The following PCDHGA7 variants were observed in gnomAD, a reference collection of about 807,000 sequenced individuals.
The protein encoded by PCDHGA7 is protocadherin gamma subfamily A, 7, also known as protocadherin gamma-A7.
In PCDHGA7, 44 loss-of-function variants were observed where a neutral mutation model predicts 58.3. The ratio of observed to expected loss-of-function variants is 0.75; its 90% CI spans 0.59 to 0.97. The LOEUF (loss-of-function observed/expected upper bound fraction) is 0.97, where lower values mean the gene tolerates loss of function less well. Among genes scored for constraint, PCDHGA7 ranks in the 50% least tolerant of loss-of-function variants. The pLI, the probability that PCDHGA7 is intolerant of heterozygous loss-of-function variation, is 0.00. For synonymous variants in PCDHGA7, 516 were observed against 504.2 expected (o/e 1.02, Z -0.31); for missense variants, 1,266 against 1,188.7 (o/e 1.06, Z -0.96).
intron 1 of PCDHGA7, chr5:141,389,575 C>T: frequency 1.2e-6 from 2 of 1,613,242 alleles, no homozygotes; most frequent in African/African-American, 1.3e-5. Context: ...CTGTACCCCG[C>T]GCTGGGTCCC....
intron 1 of PCDHGA7, chr5:141,394,892 C>T (rs267600457): frequency 4.5e-4 from 723 of 1,613,752 alleles, no homozygotes; most frequent in Non-Finnish European, 5.8e-4. Context: ...CACTCTATCT[C>T]GTGGTGGCAG....
At chr5:141,399,402 G>T (rs2093800599) in intron 1 of PCDHGA7, 2 of 1,613,898 alleles carry the variant, frequency 1.2e-6, no homozygotes, top group Non-Finnish European at 1.7e-6. Context: ...ACAGGGGCAA[G>T]CCGCCCCTCT....
intron 1 of PCDHGA7, chr5:141,389,006 C>T (rs1238735616): frequency 1.2e-6 from 2 of 1,613,868 alleles, no homozygotes. Flanking sequence ...ACAAGGATTC[C>T]AGACACAATG....
At chr5:141,454,249 C>T (rs1215688507) in intron 1 of PCDHGA7, among the ~76,000 whole-genome samples, 3 of 152,192 alleles carry the variant, frequency 2.0e-5, no homozygotes, top group Non-Finnish European at 4.4e-5. Context: ...ATGAAGATGT[C>T]CCAGAGAAAG....
At chr5:141,400,116 C>T in intron 1 of PCDHGA7, 2 of 1,614,086 alleles carry the variant, frequency 1.2e-6, no homozygotes, top group Non-Finnish European at 1.7e-6. Context: ...TTGCTGACAG[C>T]TTGCAGGAGG....
At chr5:141,461,011 A>G (rs971172615) in intron 1 of PCDHGA7, among the ~76,000 whole-genome samples, 2 of 151,288 alleles carry the variant, frequency 1.3e-5, no homozygotes, top group Non-Finnish European at 2.9e-5. Context: ...ATATATATAT[A>G]CCACATTTTC....
chr5:141,421,860 C>T (rs759779291), intron 1 of PCDHGA7: 1 of 1,613,750 alleles, frequency 6.2e-7, no homozygotes. Flanking sequence ...CTCACCTGCT[C>T]CTCCTCACAG....
At position 141,384,652 on chromosome 5, in the gene PCDHGA7, G is replaced by A. The variant is rs372721131; in HGVS notation, c.1753G>A (p.Gly585Ser). ...MELAPRSAEP[G>S]YLVTKVVAVD... ...GCTGGCACCCCGCTCCGCAGAGCCC[G>A]GCTACCTGGTGACCAAGGTGGTGGC... Residue 585 changes from glycine to serine, a missense_variant, in exon 1 of 4, where the codon GGC becomes AGC. By Grantham distance (56) the Gly-to-Ser change is moderately conservative. Coordinates refer to ENST00000518325, the MANE Select transcript of PCDHGA7 (RefSeq NM_018920.4). The A allele has an allele frequency of 7.4e-6, 12 of 1,614,110 alleles. No homozygotes were observed. The South Asian group carries it at 1.1e-4, about 15-fold the overall frequency.
chr5:141,435,296 T>A (rs545583818), intron 1 of PCDHGA7, among the ~76,000 whole-genome samples: 44 of 152,328 alleles, frequency 2.9e-4, no homozygotes, highest in African/African-American at 9.9e-4. Context: ...AGTCATTTCA[T>A]GGTTTTAAAT....
At position 141,486,785 on chromosome 5, in the gene PCDHGA7, C is replaced by T. The variant is rs763174232; in HGVS notation, c.2425-8022C>T. 1.2e-5 allele frequency: 20 copies of T among 1,614,102 alleles called. No homozygotes were observed. The highest frequency in any genetic ancestry group is 5.3e-5 in the African/African-American group (4 of 74,936). On this transcript the variant is annotated intron_variant, in intron 1 of 3. Transcript: ENST00000518325. This position sits in a 1 kb window ranked among gnomAD's most constrained non-coding sequence, Gnocchi z 5.0. ...GACACTGCAGTTTGAGGTGCAGGCC[C>T]GGGATCGGGGCAACCCACCCCTTAG...
chr5:141,433,204 C>T, intron 1 of PCDHGA7: 6 of 1,566,938 alleles, frequency 3.8e-6, no homozygotes, highest in Admixed American at 2.0e-5. Flanking sequence ...ATCAAATCTT[C>T]TTTCTTTTTT....
In PCDHGA7 at chr5:141,486,403, T is replaced by C; in HGVS notation, c.2425-8404T>C. ...GGAACCAGTTCTCCCTGGTGACTGC[T>C]GGACCCTTGGATCGAGAGGCCAAAT... On this transcript the variant is annotated intron_variant, in intron 1 of 3. Coordinates refer to ENST00000518325, the MANE Select transcript of PCDHGA7 (RefSeq NM_018920.4). This position sits in a 1 kb window ranked among gnomAD's most constrained non-coding sequence, Gnocchi z 5.0. The C allele has an allele frequency of 6.2e-7, 1 of 1,614,212 alleles. No individual in the cohort carries two copies. Among genetic ancestry groups the C allele is most frequent in the Non-Finnish European group, 8.5e-7 (1 of 1,180,034 alleles).
At chr5:141,424,776 A>C (rs1406581367) in intron 1 of PCDHGA7, 2 of 152,154 alleles carry the variant, frequency 1.3e-5, no homozygotes, top group African/African-American at 4.8e-5. Context: ...CAAATAGTAC[A>C]TTCAGTTCTT....
At position 141,433,275 on chromosome 5, in the gene PCDHGA7, C is replaced by G. The variant is rs1173546273; in HGVS notation, c.2424+47952C>G. 1.5e-5 allele frequency: 19 copies of G among 1,229,998 alleles called. No homozygotes were observed. In the East Asian group the frequency reaches 3.6e-4, roughly 23 times the overall value. The allele number at this position is 1,229,998 out of a possible 1,614,324, so 76.2% of individuals were successfully genotyped here. A position where few individuals can be genotyped will look rare whatever the true frequency, so the allele number is the denominator to read the frequency against. On this transcript the variant is annotated intron_variant, in intron 1 of 3. Transcript: ENST00000518325. ...GCGGTACGATCATAGCTCACTGCAG[C>G]CTCAAACTCCTAGGCTCAAGCAATT...
chr5:141,450,903 C>T (rs1468232105), intron 1 of PCDHGA7, among the ~76,000 whole-genome samples: 3 of 151,086 alleles, frequency 2.0e-5, no homozygotes, highest in African/African-American at 7.3e-5. Context: ...CGGCTCACTG[C>T]AACCGCTGCC....
rs191165530 is a variant in PCDHGA7 at position 141,439,134 on chromosome 5, A to T, written c.2424+53811A>T. On this transcript the variant is annotated intron_variant, in intron 1 of 3. Coordinates refer to ENST00000518325, the MANE Select transcript of PCDHGA7 (RefSeq NM_018920.4). The stretch of plus-strand genomic sequence containing the variant: ...CTTGAACCCGGGAGACAGAGGTTGC[A>T]GTGAGCTGAGATCACGCCACTGCAC... Among the ~76,000 whole-genome samples the T allele has an allele frequency of 2.4e-3, 368 of 151,344 alleles. 1 individual carries two copies. Among genetic ancestry groups the T allele is most frequent in the African/African-American group, 8.5e-3 (349 of 41,216 alleles).
intron 2 of PCDHGA7, among the ~76,000 whole-genome samples, chr5:141,502,067 CCTTCACCTGGGG>C (rs1307097799): frequency 6.6e-6 from 1 of 152,172 alleles, no homozygotes; most frequent in Non-Finnish European, 1.5e-5. Flanking sequence ...CCATTAGCCC[CCTTCACCTGGGG>C]CTGAGAACAC....
chr5:141,491,438 G>A lies in PCDHGA7; in HGVS notation c.2425-3369G>A, dbSNP rs376927300. The A allele has an allele frequency of 3.7e-6, 6 of 1,614,066 alleles. No homozygotes were observed. Among genetic ancestry groups the A allele is most frequent in the Admixed American group, 1.7e-5 (1 of 60,016 alleles). On this transcript the variant is annotated intron_variant, in intron 1 of 3. Coordinates refer to ENST00000518325, the MANE Select transcript of PCDHGA7 (RefSeq NM_018920.4). This position sits in a 1 kb window ranked among gnomAD's most constrained non-coding sequence, Gnocchi z 6.9. ...GGGGGTGGAGGGCAGTGCTGCAGGC[G>A]CCAGGACTCACCCTCCCCGGACTTC...
At chr5:141,473,750 G>C (rs777343462) in intron 1 of PCDHGA7, among the ~76,000 whole-genome samples, 1 of 152,192 alleles carries the variant, frequency 6.6e-6, no homozygotes, top group Non-Finnish European at 1.5e-5. Context: ...TGAGAACTTG[G>C]ATACTATGCA....
Sources: gnomAD v4.1 joint callset for allele counts (sites outside exome capture counted in the v4.1 genomes callset) on GRCh38, gnomAD v4.1.1 for gene constraint, Gnocchi (gnomAD v3.1) non-coding constraint, MANE v1.5 for transcripts, NCBI Gene and HGNC (gene_info 2026-07-23, HGNC 2026-07-21) for gene names.